Variants in KANK1 observed in about 807,000 individuals in gnomAD.
KANK1 encodes KN motif and ankyrin repeat domains 1.
In KANK1, 109 loss-of-function variants were observed where a neutral mutation model predicts 106.2. The ratio of observed to expected loss-of-function variants is 1.03; its 90% CI spans 0.88 to 1.20. The LOEUF is 1.20. Ranked by LOEUF, KANK1 falls within the 50% of genes most tolerant of loss-of-function variation. KANK1 has a pLI of 0.00. For synonymous variants in KANK1, 873 were observed against 652.2 expected (o/e 1.34, Z -5.16); for missense variants, 2,399 against 1,710.7 (o/e 1.40, Z -7.10).
rs1031778202 is a variant in KANK1, at chr9:702,675, G to A, written c.38-8129G>A. Among the ~76,000 whole-genome samples, 14 of 152,164 alleles carry A rather than the reference G, an allele frequency of 9.2e-5. No homozygotes were observed. In the East Asian group the frequency reaches 1.2e-3, roughly 13 times the overall value. On this transcript the variant is annotated intron_variant, in intron 2 of 11. Transcript: ENST00000382297. ...TATTGAATGTAGCCTCTTTCCCTACGTCAGTCTCACGCACGCACAATTGTC... is the reference window on the plus strand; with the variant it reads ...TATTGAATGTAGCCTCTTTCCCTACATCAGTCTCACGCACGCACAATTGTC...
At chr9:522,307 G>A (rs2059588503) in intron 1 of KANK1, among the ~76,000 whole-genome samples, 2 of 151,720 alleles carry the variant, frequency 1.3e-5, no homozygotes, top group South Asian at 4.1e-4. Context: ...GACCAAGGTT[G>A]GGTACAGATA....
chr9:681,050 C>G (rs953336089), intron 2 of KANK1: 1 of 151,558 alleles, frequency 6.6e-6, no homozygotes, highest in African/African-American at 2.4e-5. Context: ...TCCATCTCTA[C>G]AAAAAAAAAT....
chr9:659,236 G>A (rs1279228645), intron 1 of KANK1, among the ~76,000 whole-genome samples: 1 of 152,168 alleles, frequency 6.6e-6, no homozygotes, highest in African/African-American at 2.4e-5. Flanking sequence ...TAAATCCCTA[G>A]GTATCATTTT....
In KANK1 at chr9:738,483, G is replaced by A. The variant is rs1181968788; in HGVS notation, c.3532G>A (p.Val1178Met). ...CGTGTCCCACTCCAACTTCGAGATTGTGAAGCTGCTGTTAGATGCCGGTAT... is the reference window on the plus strand; with the variant it reads ...CGTGTCCCACTCCAACTTCGAGATTATGAAGCTGCTGTTAGATGCCGGTAT... ...YSVSHSNFEI[V>M]KLLLDADVCN... The change falls in exon 8 of 12, where the codon GTG (valine) becomes ATG (methionine). Residue 1178 changes from valine to methionine, a missense_variant. Physicochemically the swap from Val to Met is conservative, Grantham distance 21. Coordinates refer to ENST00000382297, the MANE Select transcript of KANK1 (RefSeq NM_015158.5). The A allele has an allele frequency of 6.2e-7, 1 of 1,614,090 alleles. No homozygotes were observed. Among genetic ancestry groups the A allele is most frequent in the African/African-American group, 1.3e-5 (1 of 75,048 alleles).
intron 2 of KANK1, among the ~76,000 whole-genome samples, chr9:702,444 C>G (rs1201549100): frequency 6.6e-6 from 1 of 152,136 alleles, no homozygotes; most frequent in East Asian, 1.9e-4. Context: ...TCGGTGCCCC[C>G]AGCTCCGAGA....
At chr9:486,085 A>G (rs2058289724) in intron 3 of KANK1, among the ~76,000 whole-genome samples, 1 of 152,124 alleles carries the variant, frequency 6.6e-6, no homozygotes, top group Non-Finnish European at 1.5e-5. Flanking sequence ...CCTGACTCCA[A>G]AAATTTTTGA....
intron 1 of KANK1, among the ~76,000 whole-genome samples, chr9:525,303 C>A (rs955836023): frequency 2.0e-5 from 3 of 151,168 alleles, no homozygotes; most frequent in Admixed American, 6.6e-5. Context: ...CCAACTCTTG[C>A]TTCTTAAACC....
rs934441900 is a variant in KANK1 at position 623,087 on chromosome 9, C to T, written c.-83-53803C>T. Among the ~76,000 whole-genome samples the T allele has an allele frequency of 1.1e-4, 16 of 151,912 alleles. 1 individual carries two copies. The highest frequency in any genetic ancestry group is 3.9e-4 in the African/African-American group (16 of 41,332). ...TACATCAAGCCAAAAAGCTTCTGCA[C>T]GGCAAAGGAAACAACCAACAAAATG... On this transcript the variant is annotated intron_variant, in intron 1 of 11. Coordinates refer to ENST00000382297, the MANE Select transcript of KANK1 (RefSeq NM_015158.5).
At chr9:732,751 A>G in intron 6 of KANK1, 134 bp downstream of exon 6, 1 of 911,414 alleles carries the variant, frequency 1.1e-6, no homozygotes. Context: ...ACATCTTGAG[A>G]TACTAATATA....
Position 559,908 on chromosome 9 carries a change from T to A in KANK1, c.-84+55154T>A, listed in dbSNP as rs548566677. Among the ~76,000 whole-genome samples, 11 of 152,338 alleles carry A rather than the reference T, an allele frequency of 7.2e-5. No homozygotes were observed. The South Asian group carries it at 1.9e-3, about 26-fold the overall frequency. Reference sequence around the variant, plus strand: ...TTCTGCTGGCTAGTGCTTCCCTGTTTCTGGAACTTTCTTAAGCATTTTTAC... The same window carrying A: ...TTCTGCTGGCTAGTGCTTCCCTGTTACTGGAACTTTCTTAAGCATTTTTAC... On this transcript the variant is annotated intron_variant, in intron 1 of 11. Transcript: ENST00000382297.
chr9:718,288 C>T (rs1025764381), intron 3 of KANK1, among the ~76,000 whole-genome samples: 5 of 134,050 alleles, frequency 3.7e-5, no homozygotes, highest in African/African-American at 1.4e-4. Flanking sequence ...GTGTAGGTAA[C>T]TTGCTGTGTC....
chr9:517,445 C>G (rs1387031898), intron 1 of KANK1, among the ~76,000 whole-genome samples: 1 of 147,066 alleles, frequency 6.8e-6, no homozygotes, highest in African/African-American at 2.7e-5. Flanking sequence ...AGTTTTTAGG[C>G]TAATAAAGAA....
intron 1 of KANK1, among the ~76,000 whole-genome samples, chr9:514,749 T>C (rs562216416): frequency 1.4e-4 from 21 of 151,908 alleles, no homozygotes; most frequent in Non-Finnish European, 2.9e-4. Context: ...CTGTCATGAA[T>C]GATTTTGTAT....
chr9:512,587 G>A (rs1429092046), intron 1 of KANK1, among the ~76,000 whole-genome samples: 1 of 151,996 alleles, frequency 6.6e-6, no homozygotes, highest in African/African-American at 2.4e-5. Context: ...GAGCACCTTG[G>A]GTAAACCAGT....
intron 11 of KANK1, 198 bp from the exon 12 acceptor site, chr9:744,975 G>C: frequency 6.8e-6 from 10 of 1,479,598 alleles, no homozygotes; most frequent in Non-Finnish European, 8.9e-6. Context: ...GACTTCCCAG[G>C]ACAGCCGGAC....
At chr9:544,793 A>T (rs1289723573) in intron 1 of KANK1, among the ~76,000 whole-genome samples, 1 of 103,228 alleles carries the variant, frequency 9.7e-6, no homozygotes, top group Non-Finnish European at 1.8e-5. Flanking sequence ...AACCAAAGAG[A>T]GTTTAGTGTG....
At chr9:632,348 TAAGAG>T (rs1465706217) in intron 1 of KANK1, among the ~76,000 whole-genome samples, 1 of 152,188 alleles carries the variant, frequency 6.6e-6, no homozygotes, top group Non-Finnish European at 1.5e-5. Flanking sequence ...CTTAGGGCTC[TAAGAG>T]AAGAGGTTAA....
At chr9:496,686 T>C (rs2058463639) in intron 3 of KANK1, among the ~76,000 whole-genome samples, 1 of 152,254 alleles carries the variant, frequency 6.6e-6, no homozygotes, top group East Asian at 1.9e-4. Context: ...CAAGTTGTTT[T>C]TGCACATGTA....
chr9:732,228 A>C (rs1002590572), intron 5 of KANK1, 150 bp from the exon 6 acceptor site: 10 of 884,876 alleles, frequency 1.1e-5, no homozygotes, highest in African/African-American at 1.0e-4. Flanking sequence ...CCAGGCATTT[A>C]AATAGACCTT....
Sources: allele counts gnomAD v4.1 joint callset (sites outside exome capture counted in the v4.1 genomes callset), GRCh38; gene constraint gnomAD v4.1.1; transcripts MANE v1.5; gene names NCBI Gene and HGNC (gene_info 2026-07-23, HGNC 2026-07-21).